Variants in TNRC6B observed in about 807,000 individuals in gnomAD.
The protein encoded by TNRC6B is trinucleotide repeat-containing gene 6B protein.
Under a neutral mutation model 203.6 loss-of-function variants are expected in TNRC6B, and 52 were observed. That is an observed-to-expected ratio of 0.26 (90% CI 0.20 to 0.32). TNRC6B has a LOEUF of 0.32. Ranked by LOEUF, TNRC6B falls within the 10% of genes least tolerant of loss-of-function variation. The probability of loss-of-function intolerance (pLI) is 1.00; values close to 1 mark genes in which losing one functional copy is unlikely to be tolerated. For missense variants in TNRC6B, 1,923 were observed against 2,286.2 expected, an observed-to-expected ratio of 0.84 and a Z score of 3.24; for synonymous variants, 838 against 845.7, an observed-to-expected ratio of 0.99 and a Z score of 0.16.
intron 7 of TNRC6B, chr22:40,276,841 T>A: frequency 2.9e-6 from 1 of 348,712 alleles, no homozygotes; most frequent in East Asian, 4.4e-5. Flanking sequence ...CAGCTGAGCA[T>A]GTATTTTTCC....
chr22:40,155,971 G>T, intron 3 of TNRC6B: 1 of 605,660 alleles, frequency 1.7e-6, no homozygotes, highest in Non-Finnish European at 2.8e-6. Flanking sequence ...TCAAGGAGAA[G>T]TTTGAAAACC....
intron 19 of TNRC6B, 114 bp downstream of exon 19, chr22:40,313,111 C>A: frequency 2.5e-6 from 2 of 802,228 alleles, no homozygotes; most frequent in Non-Finnish European, 4.1e-6. Flanking sequence ...AGTTCAGTAG[C>A]ATAGGTCAGT....
At chr22:40,254,166 A>C (rs996673614) in intron 3 of TNRC6B, among the ~76,000 whole-genome samples, 6 of 152,208 alleles carry the variant, frequency 3.9e-5, no homozygotes, top group Admixed American at 3.9e-4. Flanking sequence ...GGTATCAAAT[A>C]ATAGAAAGCA....
chr22:40,060,103 T>G (rs2067836489), intron 1 of TNRC6B, among the ~76,000 whole-genome samples: 1 of 151,680 alleles, frequency 6.6e-6, no homozygotes, highest in South Asian at 2.1e-4. Flanking sequence ...GTGCTGGGAT[T>G]TCAGGCGTGA....
At chr22:40,225,738 G>A (rs62237979) in intron 1 of TNRC6B, among the ~76,000 whole-genome samples, 3,861 of 57,842 alleles carry the variant, frequency 0.067, 81 homozygotes, top group Non-Finnish European at 0.11. Flanking sequence ...GTGAGACTCC[G>A]TCTCAAAAAA....
chr22:40,097,191 T>G (rs1051236632), intron 1 of TNRC6B, among the ~76,000 whole-genome samples: 1 of 152,258 alleles, frequency 6.6e-6, no homozygotes, highest in African/African-American at 2.4e-5. Context: ...TGATCAGATT[T>G]ATTTTTTATT....
intron 7 of TNRC6B, among the ~76,000 whole-genome samples, chr22:40,275,496 A>C (rs2070628058): frequency 6.6e-6 from 1 of 152,194 alleles, no homozygotes. Flanking sequence ...ACCATAGCGT[A>C]CATTTTTAAG....
intron 1 of TNRC6B, among the ~76,000 whole-genome samples, chr22:40,224,714 T>C (rs1426088932): frequency 1.3e-5 from 2 of 152,242 alleles, no homozygotes; most frequent in African/African-American, 2.4e-5. Flanking sequence ...AGCTTTCTTC[T>C]TTCTCTCCTT....
At chr22:40,138,990 T>C (rs1601836233) in intron 3 of TNRC6B, among the ~76,000 whole-genome samples, 1 of 152,202 alleles carries the variant, frequency 6.6e-6, no homozygotes, top group East Asian at 1.9e-4. Context: ...AGTATACAGC[T>C]CAATGGTTTT....
At chr22:40,316,343 G>C (rs1322039718) in intron 21 of TNRC6B, among the ~76,000 whole-genome samples, 2 of 147,998 alleles carry the variant, frequency 1.4e-5, no homozygotes, top group Non-Finnish European at 3.0e-5. Context: ...GACAGAGTGA[G>C]ACTCCATCTC....
chr22:40,202,819 C>T (rs2069431353), intron 1 of TNRC6B, among the ~76,000 whole-genome samples: 1 of 152,112 alleles, frequency 6.6e-6, no homozygotes, highest in Non-Finnish European at 1.5e-5. Flanking sequence ...TGACCGTTTA[C>T]CTCAGAGTCT....
chr22:40,261,920 C>T lies in TNRC6B; in HGVS notation c.204C>T (p.Asn68=), dbSNP rs1470278581. 1.9e-6 allele frequency: 3 copies of T among 1,611,088 alleles called. No homozygotes were observed. The highest frequency in any genetic ancestry group is 3.3e-5 in the Admixed American group (2 of 59,990). Residue 68 remains asparagine, a synonymous_variant, in exon 4 of 23, where the codon AAC becomes AAT. Coordinates refer to ENST00000454349, the MANE Select transcript of TNRC6B (RefSeq NM_001162501.2). ...CATCGCCACCAGTCAATGGTGGCAA[C>T]AATGCCAAAAGGGTGGCAGTGCCGA... ...SSPSPPVNGG[N]NAKRVAVPNG...
intron 4 of TNRC6B, among the ~76,000 whole-genome samples, chr22:40,171,451 G>T (rs893629607): frequency 6.6e-6 from 1 of 151,942 alleles, no homozygotes; most frequent in South Asian, 2.1e-4. Context: ...GTGAGCCACC[G>T]CACCCGGCCA....
chr22:40,141,204 C>CTTTTT lies in TNRC6B; in HGVS notation c.46-14892_46-14888dup, dbSNP rs757105010. Among the ~76,000 whole-genome samples, 358 of 75,696 alleles carry CTTTTT rather than the reference C, an allele frequency of 4.7e-3. 21 individuals carry two copies. The highest frequency in any genetic ancestry group is 6.9e-3 in the Non-Finnish European group (282 of 40,948). The allele number at this position is 75,696 out of a possible 152,430, so 49.7% of individuals were successfully genotyped here. On this transcript the variant is annotated intron_variant, in intron 3 of 23. Transcript: ENST00000301923. Reference sequence around the variant, plus strand: ...ATGGGTGGTGAACTCAAATTCTGTCCTTTTTTTTTTTTTTTTTTTTTTTGA... The same window carrying CTTTTT: ...ATGGGTGGTGAACTCAAATTCTGTCCTTTTTTTTTTTTTTTTTTTTTTTTTTTTGA...
At chr22:40,177,502 G>C (rs1361971516), upstream of TNRC6B, among the ~76,000 whole-genome samples, 1 of 152,152 alleles carries the variant, frequency 6.6e-6, no homozygotes, top group African/African-American at 2.4e-5. Context: ...GTCGTGCCCT[G>C]TATTTCACCT....
intron 4 of TNRC6B, among the ~76,000 whole-genome samples, chr22:40,169,374 C>T (rs1312780842): frequency 6.6e-6 from 1 of 152,036 alleles, no homozygotes; most frequent in Non-Finnish European, 1.5e-5. Flanking sequence ...TCATGATCCA[C>T]CCACCTCGGC....
At position 40,248,151 on chromosome 22, in the gene TNRC6B, A is replaced by G. The variant is rs564376513; in HGVS notation, c.93+2049A>G. 3.0e-3 allele frequency among the ~76,000 whole-genome samples: 455 copies of G among 151,934 alleles called. 1 individual carries two copies. Among genetic ancestry groups the G allele is most frequent in the Middle Eastern group, 0.017 (5 of 286 alleles). On this transcript the variant is annotated intron_variant, in intron 2 of 22. Transcript: ENST00000454349. ...TACTTTCCTTTGCGTCCGTGGCCACATGCCCTGTCACTGAGGTTGCAGTAT... is the reference window on the plus strand; with the variant it reads ...TACTTTCCTTTGCGTCCGTGGCCACGTGCCCTGTCACTGAGGTTGCAGTAT...
At position 40,239,167 on chromosome 22, in the gene TNRC6B, C is replaced by T. The variant is rs184189425; in HGVS notation, c.6-6848C>T. Among the ~76,000 whole-genome samples the T allele has an allele frequency of 2.0e-5, 3 of 151,830 alleles. No homozygotes were observed. In the East Asian group the frequency reaches 5.8e-4, roughly 29 times the overall value. On this transcript the variant is annotated intron_variant, in intron 1 of 22. Transcript: ENST00000454349. ...GCAGTGTGCTGAGATTGCGCCACGG[C>T]ACTGCAGCGTGGGTGACAGAGCAAG...
intron 3 of TNRC6B, among the ~76,000 whole-genome samples, chr22:40,260,215 T>A (rs1192289003): frequency 1.3e-5 from 2 of 151,764 alleles, no homozygotes; most frequent in African/African-American, 2.4e-5. Context: ...TTTTTTTTTT[T>A]AAAGAAAAGC....
Sources: allele counts gnomAD v4.1 joint callset (sites outside exome capture counted in the v4.1 genomes callset), GRCh38; gene constraint gnomAD v4.1.1; transcripts MANE v1.5; gene names NCBI Gene and HGNC (gene_info 2026-07-23, HGNC 2026-07-21).